Variants in TMEM114 observed in about 807,000 individuals in gnomAD.
The protein encoded by TMEM114 is transmembrane protein 114.
TMEM114 carries 6 observed loss-of-function variants against 6.2 expected under a neutral mutation model. That is an observed-to-expected ratio of 0.97 (90% CI 0.53 to 1.91). The LOEUF (loss-of-function observed/expected upper bound fraction) is 1.91. Among genes scored for constraint, TMEM114 ranks in the 40% most tolerant of loss-of-function variants. The pLI, the probability that TMEM114 is intolerant of heterozygous loss-of-function variation, is 0.01. For missense variants in TMEM114, 218 were observed against 158.3 expected, an observed-to-expected ratio of 1.38 and a Z score of -2.02; for synonymous variants, 104 against 73.0, an observed-to-expected ratio of 1.42 and a Z score of -2.16.
intron 2 of TMEM114, among the ~76,000 whole-genome samples, chr16:8,574,464 G>C (rs1181004473): frequency 1.3e-5 from 2 of 152,134 alleles, no homozygotes; most frequent in Non-Finnish European, 2.9e-5. Flanking sequence ...ACTAACTTTG[G>C]TGAGTCAAGA....
At chr16:8,531,632 A>T in the TMEM114 span, among the ~76,000 whole-genome samples, 1 of 152,328 alleles carries the variant, frequency 6.6e-6, no homozygotes, top group Admixed American at 6.5e-5. Flanking sequence ...CTGCTGAAAG[A>T]GATGTGTGAT....
chr16:8,533,835 G>A (rs1360833234), downstream of TMEM114, among the ~76,000 whole-genome samples: 2 of 152,170 alleles, frequency 1.3e-5, no homozygotes, highest in African/African-American at 4.8e-5. Context: ...CCTGTGATTG[G>A]GAAGGTTAAA....
chr16:8,572,251 G>C (rs1000653518), intron 2 of TMEM114, 27 bp from the exon 3 acceptor site: 1 of 1,551,398 alleles, frequency 6.4e-7, no homozygotes, highest in Non-Finnish European at 8.7e-7. Context: ...AGGATACCAG[G>C]CAGAGGACAG....
At chr16:8,530,907 C>A in the TMEM114 span, among the ~76,000 whole-genome samples, 22 of 152,028 alleles carry the variant, frequency 1.4e-4, no homozygotes, top group African/African-American at 5.3e-4. Context: ...CGCATATAAT[C>A]CCAGCTACTC....
chr16:8,571,993 T>A, intron 3 of TMEM114, 94 bp downstream of exon 3: 2 of 1,398,680 alleles, frequency 1.4e-6, no homozygotes, highest in South Asian at 3.1e-5. Context: ...CACGAGGCCC[T>A]GGGATCCCCC....
intron 3 of TMEM114, among the ~76,000 whole-genome samples, chr16:8,571,273 G>A (rs993844679): frequency 6.6e-6 from 1 of 151,938 alleles, no homozygotes; most frequent in Admixed American, 6.6e-5. Context: ...CTGTTGTTTT[G>A]TTTCATCTTG....
chr16:8,584,514 T>C (rs2141700375), intron 2 of TMEM114, among the ~76,000 whole-genome samples: 1 of 152,018 alleles, frequency 6.6e-6, no homozygotes, highest in South Asian at 2.1e-4. Flanking sequence ...GCTGAAAGAG[T>C]GGAGGTTATT....
chr16:8,570,654 G>A (rs1901705451), intron 3 of TMEM114, among the ~76,000 whole-genome samples: 1 of 152,122 alleles, frequency 6.6e-6, no homozygotes, highest in Admixed American at 6.5e-5. Context: ...TCCCCCAGTG[G>A]CCTGTGAGTG....
At chr16:8,548,649 T>C (rs79472615) in intron 2 of TMEM114, among the ~76,000 whole-genome samples, 9,259 of 147,032 alleles carry the variant, frequency 0.063, 413 homozygotes, top group Middle Eastern at 0.14. Flanking sequence ...ATATGCATTT[T>C]TTGTCCTTTT....
intron 2 of TMEM114, among the ~76,000 whole-genome samples, chr16:8,581,012 C>G (rs537000178): frequency 2.5e-4 from 38 of 152,126 alleles, no homozygotes; most frequent in Non-Finnish European, 3.4e-4. Flanking sequence ...TTTAACAGAT[C>G]TGAAAATAGA....
chr16:8,567,101 G>A (rs1270089361), downstream of TMEM114, among the ~76,000 whole-genome samples: 1 of 150,156 alleles, frequency 6.7e-6, no homozygotes, highest in East Asian at 1.9e-4. Context: ...TAGAGATGGG[G>A]TTTCACCATG....
At chr16:8,538,694 G>C (rs1255954937) in intron 2 of TMEM114, among the ~76,000 whole-genome samples, 3 of 152,054 alleles carry the variant, frequency 2.0e-5, no homozygotes, top group African/African-American at 4.8e-5. Flanking sequence ...TTTTAGTAGA[G>C]ATGGGGTTTC....
intron 2 of TMEM114, among the ~76,000 whole-genome samples, chr16:8,557,460 C>G (rs1042197847): frequency 6.6e-6 from 1 of 152,154 alleles, no homozygotes; most frequent in Non-Finnish European, 1.5e-5. Flanking sequence ...GTTCCAGCTC[C>G]AGCTACTGCA....
At chr16:8,535,848 T>C (rs2141643387), downstream of TMEM114, among the ~76,000 whole-genome samples, 1 of 152,322 alleles carries the variant, frequency 6.6e-6, no homozygotes, top group African/African-American at 2.4e-5. Flanking sequence ...AATACCCATG[T>C]TTTAGCCCCG....
At chr16:8,584,641 G>A (rs574557292) in intron 2 of TMEM114, among the ~76,000 whole-genome samples, 1 of 152,262 alleles carries the variant, frequency 6.6e-6, no homozygotes, top group African/African-American at 2.4e-5. Context: ...AGACATACCT[G>A]GCTGGGCGTA....
downstream of TMEM114, among the ~76,000 whole-genome samples, chr16:8,565,082 T>C (rs1901494255): frequency 6.6e-6 from 1 of 152,144 alleles, no homozygotes; most frequent in African/African-American, 2.4e-5. Flanking sequence ...AGTGAGTGAA[T>C]GAGTAAATTA....
At chr16:8,567,008 C>G (rs1035356648), downstream of TMEM114, among the ~76,000 whole-genome samples, 1 of 143,556 alleles carries the variant, frequency 7.0e-6, no homozygotes, top group Non-Finnish European at 1.5e-5. Context: ...TCAAGTGATT[C>G]TCCTGCCTTA....
chr16:8,533,312 A>T (rs1359490855), downstream of TMEM114, among the ~76,000 whole-genome samples: 5 of 152,230 alleles, frequency 3.3e-5, no homozygotes, highest in East Asian at 9.6e-4. Flanking sequence ...TGAAGAAGCC[A>T]GCCGTGGGAA....
the TMEM114 span, among the ~76,000 whole-genome samples, chr16:8,527,767 C>G: frequency 1.3e-5 from 2 of 152,124 alleles, no homozygotes; most frequent in South Asian, 2.1e-4. Context: ...AAAGAGGATC[C>G]GATTCTAAAT....
Sources: allele counts gnomAD v4.1 joint callset (sites outside exome capture counted in the v4.1 genomes callset), GRCh38; gene constraint gnomAD v4.1.1; transcripts MANE v1.5; gene names NCBI Gene and HGNC (gene_info 2026-07-23, HGNC 2026-07-21).